ATG10: variants seen among roughly 807,000 people sequenced by gnomAD.
The protein encoded by ATG10 is autophagy related 10.
ATG10 carries 30 observed loss-of-function variants against 32.1 expected under a neutral mutation model. The observed-to-expected ratio is 0.94, with a 90% CI of 0.70 to 1.27. ATG10 has a LOEUF of 1.27. Among genes scored for constraint, ATG10 ranks in the 50% most tolerant of loss-of-function variants. ATG10 has a pLI of 0.00. For missense variants in ATG10, 233 were observed against 262.3 expected (o/e 0.89, Z 0.77); for synonymous variants, 87 against 91.5 (o/e 0.95, Z 0.28).
chr5:82,003,495 G>A (rs1241804166), intron 2 of ATG10, among the ~76,000 whole-genome samples: 1 of 152,198 alleles, frequency 6.6e-6, no homozygotes, highest in Admixed American at 6.5e-5. Context: ...GTTAGCTAGT[G>A]TGGTCTTGTT....
Position 82,152,685 on chromosome 5 carries a change from A to C in ATG10, c.217-11714A>C, listed in dbSNP as rs370139282. ...ACCCAACTAAAAGAATGACCTTGAA[A>C]TATTTTTCCTTCACCTTTGTCTTAT... On this transcript the variant is annotated intron_variant, in intron 3 of 7. Coordinates refer to ENST00000282185, the MANE Select transcript of ATG10 (RefSeq NM_031482.5). Among the ~76,000 whole-genome samples the C allele has an allele frequency of 1.8e-4, 27 of 152,288 alleles. 1 individual carries two copies. The South Asian group carries it at 5.6e-3, about 32-fold the overall frequency.
chr5:82,095,193 A>G (rs1297524527), intron 3 of ATG10, among the ~76,000 whole-genome samples: 1 of 152,134 alleles, frequency 6.6e-6, no homozygotes. Flanking sequence ...AAAACCTGTA[A>G]TTTGTTAGTT....
chr5:82,047,198 T>C (rs1007195474), intron 2 of ATG10, among the ~76,000 whole-genome samples: 2 of 152,064 alleles, frequency 1.3e-5, no homozygotes, highest in African/African-American at 4.8e-5. Context: ...CTGGCACAAA[T>C]AAGCAGGAGC....
intron 1 of ATG10, among the ~76,000 whole-genome samples, chr5:81,983,230 G>A (rs1761115943): frequency 2.9e-5 from 4 of 138,436 alleles, no homozygotes; most frequent in African/African-American, 1.1e-4. Flanking sequence ...CCGGGCTGGG[G>A]GCTGACCCCC....
chr5:82,229,906 C>A (rs1435368323), intron 5 of ATG10, among the ~76,000 whole-genome samples: 1 of 152,164 alleles, frequency 6.6e-6, no homozygotes, highest in African/African-American at 2.4e-5. Context: ...TGGAAACTCA[C>A]GTCATATAAT....
intron 4 of ATG10, among the ~76,000 whole-genome samples, chr5:82,174,074 C>T (rs1040674503): frequency 5.3e-5 from 8 of 152,084 alleles, no homozygotes; most frequent in African/African-American, 1.2e-4. Flanking sequence ...TAATTAGTCA[C>T]GATCATATTT....
intron 3 of ATG10, among the ~76,000 whole-genome samples, chr5:82,162,353 A>AT (rs1467483615): frequency 1.3e-5 from 2 of 152,204 alleles, no homozygotes. Context: ...GATACTTAAA[A>AT]ATTCATCAAC....
intron 2 of ATG10, among the ~76,000 whole-genome samples, chr5:82,014,143 G>A (rs1327436099): frequency 6.6e-6 from 1 of 152,214 alleles, no homozygotes; most frequent in East Asian, 1.9e-4. Context: ...GCAGTTTTGA[G>A]TGAGTTTCTT....
In ATG10 at chr5:82,175,628, T is replaced by C. The variant is rs1743984909; in HGVS notation, c.356-2862T>C. Among the ~76,000 whole-genome samples the C allele has an allele frequency of 4.6e-5, 7 of 152,210 alleles. No homozygotes were observed. In the South Asian group the frequency reaches 1.5e-3, roughly 32 times the overall value. On this transcript the variant is annotated intron_variant, in intron 4 of 7. Transcript: ENST00000282185. ...GGCTTTAAGTGACGAATGTTAGTGATATGCATGTAGTGCTAGTGATCCCCT... is the reference window on the plus strand; with the variant it reads ...GGCTTTAAGTGACGAATGTTAGTGACATGCATGTAGTGCTAGTGATCCCCT...
At chr5:82,081,775 G>A (rs911747043) in intron 3 of ATG10, among the ~76,000 whole-genome samples, 1 of 152,164 alleles carries the variant, frequency 6.6e-6, no homozygotes, top group African/African-American at 2.4e-5. Flanking sequence ...TTTTATTAAG[G>A]ATTTTTGCAT....
At chr5:82,252,758 A>G (rs1321042214) in intron 6 of ATG10, 99 bp downstream of exon 6, 3 of 679,014 alleles carry the variant, frequency 4.4e-6, no homozygotes, top group Non-Finnish European at 7.5e-6. Context: ...AGAAATATTA[A>G]TAATAATAAT....
At chr5:82,055,329 TA>T (rs1372876092) in intron 2 of ATG10, among the ~76,000 whole-genome samples, 3 of 152,168 alleles carry the variant, frequency 2.0e-5, no homozygotes, top group African/African-American at 4.8e-5. Flanking sequence ...AGAAATTACC[TA>T]AAATGTAAGT....
At chr5:82,129,453 CA>C (rs1185542600) in intron 3 of ATG10, among the ~76,000 whole-genome samples, 1 of 151,994 alleles carries the variant, frequency 6.6e-6, no homozygotes, top group Non-Finnish European at 1.5e-5. Flanking sequence ...AGCCTTTTTG[CA>C]CTGATTTTTC....
intron 2 of ATG10, among the ~76,000 whole-genome samples, chr5:82,008,415 G>C (rs1386923932): frequency 6.6e-6 from 1 of 151,772 alleles, no homozygotes; most frequent in Non-Finnish European, 1.5e-5. Flanking sequence ...ATAATTTATT[G>C]AGTGTTATGA....
rs1744837356 is a variant in ATG10 at position 82,195,989 on chromosome 5, A to G, written c.453+17402A>G. Among the ~76,000 whole-genome samples the G allele has an allele frequency of 1.3e-5, 2 of 152,210 alleles. 1 individual carries two copies. Among genetic ancestry groups the G allele is most frequent in the South Asian group, 4.1e-4 (2 of 4,834 alleles). On this transcript the variant is annotated intron_variant, in intron 5 of 7. Coordinates refer to ENST00000282185, the MANE Select transcript of ATG10 (RefSeq NM_031482.5). ...TTTTACAGAGGCATCACCATTTTAT[A>G]TTCCCACCAGGAATGTATGAGGGTT...
At chr5:82,153,053 G>A (rs1422586057) in intron 3 of ATG10, among the ~76,000 whole-genome samples, 2 of 152,210 alleles carry the variant, frequency 1.3e-5, no homozygotes, top group African/African-American at 2.4e-5. Flanking sequence ...TATGTGTGCT[G>A]TAATAGAAGC....
rs1350792916 is a variant in ATG10, at chr5:82,254,923, T to TGTGTGTGTGG, written c.*865_*866insTGTGGGTGTG. ...GAGTGTGTGTGTGTGTGTGTGTGTA[T>TGTGTGTGTGG]GTGTGGGTGTTTGTGTAGATAGTTG... is the stretch of plus-strand genomic sequence containing the variant. On this transcript the variant is annotated 3_prime_UTR_variant, in exon 8 of 8. Transcript: ENST00000282185. The TGTGTGTGTGG allele has an allele frequency of 2.6e-5, 4 of 151,390 alleles. No individual in the cohort carries two copies. Among genetic ancestry groups the TGTGTGTGTGG allele is most frequent in the East Asian group, 1.9e-4 (1 of 5,164 alleles). 9.4% of individuals were successfully genotyped at this position (151,390 alleles called of 1,614,324 possible). A position where few individuals can be genotyped will look rare whatever the true frequency, so the allele number is the denominator to read the frequency against.
intron 2 of ATG10, among the ~76,000 whole-genome samples, chr5:81,991,364 A>G (rs942845737): frequency 6.6e-6 from 1 of 152,196 alleles, no homozygotes; most frequent in Non-Finnish European, 1.5e-5. Flanking sequence ...CATACAATAA[A>G]CTACATATAT....
chr5:82,208,536 T>G (rs757009829), intron 5 of ATG10, among the ~76,000 whole-genome samples: 1 of 152,208 alleles, frequency 6.6e-6, no homozygotes, highest in Non-Finnish European at 1.5e-5. Flanking sequence ...TTTCTTAGCT[T>G]CTTGTTTTGT....
Sources: allele counts gnomAD v4.1 joint callset (sites outside exome capture counted in the v4.1 genomes callset), GRCh38; gene constraint gnomAD v4.1.1; transcripts MANE v1.5; gene names NCBI Gene and HGNC (gene_info 2026-07-23, HGNC 2026-07-21).